Variants in TAFA1 observed in about 807,000 individuals in gnomAD.
TAFA1 encodes chemokine-like protein TAFA-1.
TAFA1 carries 4 observed loss-of-function variants against 18.5 expected under a neutral mutation model. The ratio of observed to expected loss-of-function variants is 0.22; its 90% confidence interval spans 0.11 to 0.49. The LOEUF is 0.49. Ranked by LOEUF, TAFA1 falls within the 20% of genes least tolerant of loss-of-function variation. The pLI is 0.98. For synonymous variants in TAFA1, 56 were observed against 55.2 expected (o/e 1.01, Z -0.06); for missense variants, 147 against 169.0 (o/e 0.87, Z 0.72).
chr3:68,437,191 A>T (rs1374968421), intron 3 of TAFA1, among the ~76,000 whole-genome samples: 1 of 152,180 alleles, frequency 6.6e-6, no homozygotes, highest in African/African-American at 2.4e-5. Flanking sequence ...CAGGCAATGC[A>T]AAGAGGGAAA....
At chr3:68,010,834 G>T (rs1704456469) in intron 2 of TAFA1, among the ~76,000 whole-genome samples, 1 of 152,180 alleles carries the variant, frequency 6.6e-6, no homozygotes, top group Non-Finnish European at 1.5e-5. Context: ...AAAACTTGAA[G>T]AATACTTGAG....
intron 2 of TAFA1, among the ~76,000 whole-genome samples, chr3:68,085,257 A>T (rs1238406470): frequency 2.0e-5 from 3 of 152,238 alleles, no homozygotes; most frequent in African/African-American, 7.2e-5. Context: ...AGAAATCTGG[A>T]GACATTCAAT....
At chr3:68,213,030 T>G (rs2066614563) in intron 2 of TAFA1, among the ~76,000 whole-genome samples, 2 of 151,988 alleles carry the variant, frequency 1.3e-5, no homozygotes, top group South Asian at 2.1e-4. Flanking sequence ...TATTTTTTTT[T>G]TTTTAATCAT....
At chr3:68,102,667 G>A (rs2065161837) in intron 2 of TAFA1, among the ~76,000 whole-genome samples, 1 of 152,168 alleles carries the variant, frequency 6.6e-6, no homozygotes, top group Admixed American at 6.5e-5. Context: ...GGAAAAAGAT[G>A]CCTGAACTTG....
intron 2 of TAFA1, among the ~76,000 whole-genome samples, chr3:68,015,298 T>TG (rs1704547097): frequency 6.6e-6 from 1 of 151,540 alleles, no homozygotes; most frequent in Non-Finnish European, 1.5e-5. Flanking sequence ...TTTCCTTTTT[T>TG]TTTTTGAGAC....
At chr3:68,140,667 A>T (rs1304391673) in intron 2 of TAFA1, among the ~76,000 whole-genome samples, 1 of 152,166 alleles carries the variant, frequency 6.6e-6, no homozygotes, top group Non-Finnish European at 1.5e-5. Context: ...TACCTCATGG[A>T]GTTGGGTATG....
At chr3:68,412,179 T>C (rs1388085306) in intron 2 of TAFA1, among the ~76,000 whole-genome samples, 1 of 152,046 alleles carries the variant, frequency 6.6e-6, no homozygotes, top group African/African-American at 2.4e-5. Flanking sequence ...AAATGGAGCA[T>C]TTGTCATTTC....
intron 2 of TAFA1, among the ~76,000 whole-genome samples, chr3:68,167,830 A>G (rs2066003052): frequency 6.6e-6 from 1 of 152,082 alleles, no homozygotes. Context: ...GTGAGCCCAG[A>G]TTGCATCACT....
chr3:68,167,659 GTAAGGAATCTGCATTTT>G (rs1208630317), intron 2 of TAFA1, among the ~76,000 whole-genome samples: 45 of 151,792 alleles, frequency 3.0e-4, no homozygotes, highest in South Asian at 6.2e-4. Flanking sequence ...ACACTATGTA[GTAAGGAATCTGCATTTT>G]TAAGGAATCT....
intron 2 of TAFA1, among the ~76,000 whole-genome samples, chr3:68,074,837 C>A (rs1015495812): frequency 1.3e-5 from 2 of 152,182 alleles, no homozygotes; most frequent in African/African-American, 2.4e-5. Flanking sequence ...GAAAAACAAG[C>A]TATTTAGGTC....
chr3:68,529,507 T>A (rs918345635), intron 3 of TAFA1, among the ~76,000 whole-genome samples: 1 of 149,006 alleles, frequency 6.7e-6, no homozygotes, highest in Non-Finnish European at 1.5e-5. Context: ...CATAGTCTTA[T>A]TAAGCCTTTG....
At position 68,351,378 on chromosome 3, in the gene TAFA1, T is replaced by A. The variant is rs72930477; in HGVS notation, c.119-65902T>A. Reference sequence around the variant, plus strand: ...ATTGTTGGAATCAGATAAATTGGGGTAAACACCACACCAGAGAATTTCTTA... The same window carrying A: ...ATTGTTGGAATCAGATAAATTGGGGAAAACACCACACCAGAGAATTTCTTA... On this transcript the variant is annotated intron_variant, in intron 2 of 4. Transcript: ENST00000478136. 9.7e-3 allele frequency among the ~76,000 whole-genome samples: 1,475 copies of A among 152,104 alleles called. 27 individuals are homozygous for A. Among genetic ancestry groups the A allele is most frequent in the African/African-American group, 0.034 (1,419 of 41,500 alleles).
intron 2 of TAFA1, among the ~76,000 whole-genome samples, chr3:68,046,019 CT>C (rs1705261036): frequency 6.6e-6 from 1 of 152,128 alleles, no homozygotes; most frequent in East Asian, 1.9e-4. Context: ...CTGGAAGTAT[CT>C]TTCCCCTAAT....
chr3:68,247,810 G>T (rs964805297), intron 2 of TAFA1: 1 of 149,244 alleles, frequency 6.7e-6, no homozygotes, highest in African/African-American at 2.6e-5. Flanking sequence ...GCTCTGGTGA[G>T]TATGTTGAGC....
chr3:68,467,588 C>T (rs114659218), intron 3 of TAFA1, among the ~76,000 whole-genome samples: 3,268 of 152,266 alleles, frequency 0.021, 64 homozygotes, highest in East Asian at 0.054. Context: ...TGGGAATTTA[C>T]AGCCAAGGAG....
intron 2 of TAFA1, among the ~76,000 whole-genome samples, chr3:68,349,201 G>A (rs1316753098): frequency 6.6e-6 from 1 of 151,416 alleles, no homozygotes; most frequent in Non-Finnish European, 1.5e-5. Context: ...TTCAGGTTTT[G>A]GGGGGGTTTG....
At chr3:68,042,176 C>T (rs1331929270) in intron 2 of TAFA1, among the ~76,000 whole-genome samples, 1 of 152,164 alleles carries the variant, frequency 6.6e-6, no homozygotes, top group East Asian at 1.9e-4. Flanking sequence ...ATTTGCATTA[C>T]CTGCCTTGAG....
chr3:68,521,031 C>A (rs1472907395), intron 3 of TAFA1, among the ~76,000 whole-genome samples: 3 of 152,110 alleles, frequency 2.0e-5, no homozygotes, highest in Admixed American at 6.6e-5. Context: ...TGATTTTTTC[C>A]TGCATAACAG....
At chr3:68,122,375 A>T (rs76655059) in intron 2 of TAFA1, among the ~76,000 whole-genome samples, 9,098 of 152,258 alleles carry the variant, frequency 0.06, 876 homozygotes, top group African/African-American at 0.21. Context: ...TGACCAGAAG[A>T]ATGTTTTATC....
Sources: gnomAD v4.1 joint callset for allele counts (sites outside exome capture counted in the v4.1 genomes callset) on GRCh38, gnomAD v4.1.1 for gene constraint, MANE v1.5 for transcripts, NCBI Gene and HGNC (gene_info 2026-07-23, HGNC 2026-07-21) for gene names.